GPC5: variants seen among roughly 807,000 people sequenced by gnomAD.
GPC5 encodes glypican 5.
A neutral mutation model predicts 53.9 loss-of-function variants in GPC5; 47 were observed. That is an observed-to-expected ratio of 0.87 (90% CI 0.69 to 1.11). The LOEUF (loss-of-function observed/expected upper bound fraction) is 1.11, where lower values mean the gene tolerates loss of function less well. Among genes scored for constraint, GPC5 ranks in the 50% most tolerant of loss-of-function variants. GPC5 has a pLI of 0.00. For missense variants in GPC5, 748 were observed against 713.1 expected, an observed-to-expected ratio of 1.05 and a Z score of -0.56; for synonymous variants, 286 against 263.3, an observed-to-expected ratio of 1.09 and a Z score of -0.84.
chr13:92,286,383 G>A (rs1358132378), intron 7 of GPC5, among the ~76,000 whole-genome samples: 4 of 152,086 alleles, frequency 2.6e-5, no homozygotes, highest in East Asian at 1.9e-4. Context: ...ATCCCATTAC[G>A]GGTATATACC....
intron 2 of GPC5, among the ~76,000 whole-genome samples, chr13:91,555,222 C>T (rs2030875574): frequency 6.6e-6 from 1 of 152,014 alleles, no homozygotes; most frequent in African/African-American, 2.4e-5. Context: ...TGTAGGAAAA[C>T]GGCCTGGCCC....
rs1317151306 is a variant in GPC5 at position 91,758,052 on chromosome 13, A to G, written c.1280+1632A>G. ...TCTCATAGAGACTTAGACTTCACAG[A>G]AAAAAAAATTGAAGACAAAAACTGT... On this transcript the variant is annotated intron_variant, in intron 5 of 7. Transcript: ENST00000377067. Among the ~76,000 whole-genome samples, 3 of 150,556 alleles carry G rather than the reference A, an allele frequency of 2.0e-5. 1 individual carries two copies. The South Asian group carries it at 6.3e-4, about 32-fold the overall frequency.
chr13:92,285,518 G>A (rs187269722), intron 7 of GPC5, among the ~76,000 whole-genome samples: 4 of 151,736 alleles, frequency 2.6e-5, no homozygotes, highest in Admixed American at 2.0e-4. Flanking sequence ...AACCAAAACA[G>A]CATGGTAGTG....
chr13:91,811,560 G>T lies in GPC5; in HGVS notation c.1280+55140G>T, dbSNP rs745553783. ...CAGGTATAAACTGTGTTATTACAACGTTCAGTTTCTATCCACTTTGTTTAA... is the reference window on the plus strand; with the variant it reads ...CAGGTATAAACTGTGTTATTACAACTTTCAGTTTCTATCCACTTTGTTTAA... On this transcript the variant is annotated intron_variant, in intron 5 of 7. Coordinates refer to ENST00000377067, the MANE Select transcript of GPC5 (RefSeq NM_004466.6). 3.1e-4 allele frequency among the ~76,000 whole-genome samples: 47 copies of T among 152,028 alleles called. 1 individual carries two copies. The highest frequency in any genetic ancestry group is 6.3e-4 in the Non-Finnish European group (43 of 67,966).
At chr13:92,015,470 A>G (rs760392281) in intron 6 of GPC5, among the ~76,000 whole-genome samples, 16 of 152,102 alleles carry the variant, frequency 1.1e-4, no homozygotes, top group Admixed American at 2.0e-4. Flanking sequence ...CTCCTACAAA[A>G]GGAAAACTAC....
At chr13:91,663,356 C>T (rs1015015593) in intron 2 of GPC5, among the ~76,000 whole-genome samples, 10 of 152,154 alleles carry the variant, frequency 6.6e-5, no homozygotes, top group African/African-American at 1.9e-4. Flanking sequence ...ATATGCTTGT[C>T]CATGTTGTGA....
intron 7 of GPC5, among the ~76,000 whole-genome samples, chr13:92,432,592 G>A (rs1220381245): frequency 1.3e-5 from 2 of 151,078 alleles, no homozygotes; most frequent in Admixed American, 1.3e-4. Flanking sequence ...AGCCAGGATG[G>A]TCTTGATCTC....
At chr13:92,147,552 T>G (rs566480903) in intron 7 of GPC5, among the ~76,000 whole-genome samples, 1 of 152,110 alleles carries the variant, frequency 6.6e-6, no homozygotes, top group Non-Finnish European at 1.5e-5. Context: ...CAACTACTAA[T>G]AGTTTTCTTC....
intron 7 of GPC5, among the ~76,000 whole-genome samples, chr13:92,852,632 G>A (rs574276310): frequency 3.3e-5 from 5 of 152,136 alleles, no homozygotes; most frequent in Middle Eastern, 3.4e-3. Context: ...ATGCAATGAT[G>A]CTATCATAGT....
intron 7 of GPC5, among the ~76,000 whole-genome samples, chr13:92,522,548 C>A (rs1334355829): frequency 6.6e-6 from 1 of 151,998 alleles, no homozygotes; most frequent in Admixed American, 6.6e-5. Flanking sequence ...GGTTCTCACT[C>A]ATAGGTGGGA....
At chr13:91,525,291 TAAAG>T (rs942228613) in intron 2 of GPC5, among the ~76,000 whole-genome samples, 6 of 152,218 alleles carry the variant, frequency 3.9e-5, no homozygotes, top group African/African-American at 1.4e-4. Flanking sequence ...ATAAAAATCT[TAAAG>T]GAAGATGTTT....
At chr13:92,827,030 G>T (rs769522673) in intron 7 of GPC5, among the ~76,000 whole-genome samples, 26 of 152,024 alleles carry the variant, frequency 1.7e-4, no homozygotes, top group Non-Finnish European at 3.1e-4. Context: ...TCATGTCACA[G>T]AATTCTTTAA....
chr13:92,464,734 TTA>T (rs1189520921), intron 7 of GPC5, among the ~76,000 whole-genome samples: 1 of 151,914 alleles, frequency 6.6e-6, no homozygotes, highest in Non-Finnish European at 1.5e-5. Flanking sequence ...AAAAATTACT[TTA>T]AAGCATGTAA....
chr13:92,748,394 C>T (rs930540167), intron 7 of GPC5, among the ~76,000 whole-genome samples: 1 of 150,956 alleles, frequency 6.6e-6, no homozygotes, highest in Non-Finnish European at 1.5e-5. Context: ...AGTGCAGTGG[C>T]ATGATCTCGG....
chr13:92,580,039 G>A (rs919889110), intron 7 of GPC5, among the ~76,000 whole-genome samples: 8 of 152,262 alleles, frequency 5.3e-5, no homozygotes, highest in African/African-American at 9.6e-5. Context: ...GACCTCTGTC[G>A]CTTTCATTAC....
Position 91,945,696 on chromosome 13 carries a change from G to A in GPC5, c.1401+37639G>A, listed in dbSNP as rs1346653371. Among the ~76,000 whole-genome samples the A allele has an allele frequency of 3.9e-5, 6 of 152,186 alleles. No individual in the cohort carries two copies. In the East Asian group the frequency reaches 9.7e-4, roughly 25 times the overall value. On this transcript the variant is annotated intron_variant, in intron 6 of 7. Transcript: ENST00000377067. ...AAGGGCCCACTCATCATTTGCTACT[G>A]TGACAGACTGTTGCCTCATTTGGGG...
rs192653599 is a variant in GPC5 at position 92,190,846 on chromosome 13, C to T, written c.1561+45857C>T. Among the ~76,000 whole-genome samples, 16 of 152,066 alleles carry T rather than the reference C, an allele frequency of 1.1e-4. No homozygotes were observed. The East Asian group carries it at 1.9e-3, about 18-fold the overall frequency. On this transcript the variant is annotated intron_variant, in intron 7 of 7. Transcript: ENST00000377067. Reference sequence around the variant, plus strand: ...ATCAGATAGAAAATTATAACAAATACGGTAGGTTTTACTCCAACTGTATCA... The same window carrying T: ...ATCAGATAGAAAATTATAACAAATATGGTAGGTTTTACTCCAACTGTATCA...
Position 91,539,298 on chromosome 13 carries a change from AAGTG to A in GPC5, c.325+90381_325+90384del, listed in dbSNP as rs150670263. On this transcript the variant is annotated intron_variant, in intron 2 of 7. Coordinates refer to ENST00000377067, the MANE Select transcript of GPC5 (RefSeq NM_004466.6). Reference sequence around the variant, plus strand: ...TCACATTCACTTAAATCCCTTTAAAAAGTGAGTGGGGAAATTATTGGATCACATG... The same window carrying A: ...TCACATTCACTTAAATCCCTTTAAAAAGTGGGGAAATTATTGGATCACATG... Among the ~76,000 whole-genome samples the A allele has an allele frequency of 8.3e-3, 1,259 of 152,316 alleles. 15 individuals are homozygous for A. The highest frequency in any genetic ancestry group is 0.029 in the African/African-American group (1,221 of 41,576).
chr13:92,506,481 G>C (rs1199936549), intron 7 of GPC5, among the ~76,000 whole-genome samples: 1 of 151,976 alleles, frequency 6.6e-6, no homozygotes, highest in African/African-American at 2.4e-5. Context: ...AAAACTCTAG[G>C]CCTCTTTCAA....
Sources: allele counts gnomAD v4.1 joint callset (sites outside exome capture counted in the v4.1 genomes callset), GRCh38; gene constraint gnomAD v4.1.1; transcripts MANE v1.5; gene names NCBI Gene and HGNC (gene_info 2026-07-23, HGNC 2026-07-21).